The following CSMD1 variants were observed in gnomAD, a reference collection of about 807,000 sequenced individuals.
The protein encoded by CSMD1 is CUB and Sushi multiple domains 1, also known as CUB and sushi domain-containing protein 1.
In CSMD1, 213 loss-of-function variants were observed where a neutral mutation model predicts 417.5. That is an observed-to-expected ratio of 0.51 (90% confidence interval 0.46 to 0.57). CSMD1 has a LOEUF of 0.57. Among genes scored for constraint, CSMD1 ranks in the 20% least tolerant of loss-of-function variants. The pLI is 0.00. For synonymous variants in CSMD1, 2,862 were observed against 1,736.8 expected, an observed-to-expected ratio of 1.65 and a Z score of -16.11; for missense variants, 6,923 against 4,529.7, an observed-to-expected ratio of 1.53 and a Z score of -15.17.
chr8:3,437,934 T>A (rs904077695), intron 12 of CSMD1, among the ~76,000 whole-genome samples: 19 of 151,860 alleles, frequency 1.3e-4, no homozygotes, highest in African/African-American at 4.4e-4. Flanking sequence ...AGAGACAGGG[T>A]TTCATCATGT....
intron 3 of CSMD1, among the ~76,000 whole-genome samples, chr8:4,352,539 A>T (rs911385273): frequency 3.3e-5 from 5 of 152,260 alleles, no homozygotes; most frequent in African/African-American, 1.2e-4. Context: ...AAAAGAATGC[A>T]GACATCATCT....
At chr8:3,858,179 T>G (rs1054270925) in intron 5 of CSMD1, among the ~76,000 whole-genome samples, 1 of 152,210 alleles carries the variant, frequency 6.6e-6, no homozygotes, top group Non-Finnish European at 1.5e-5. Flanking sequence ...ATTAAGTAAT[T>G]TTTTGACTCT....
intron 10 of CSMD1, among the ~76,000 whole-genome samples, chr8:3,574,526 C>G (rs1427030023): frequency 6.6e-6 from 1 of 152,160 alleles, no homozygotes; most frequent in Non-Finnish European, 1.5e-5. Context: ...GCATTACAGG[C>G]TTGAGCGACT....
In CSMD1 at chr8:3,004,021, T is replaced by C. The variant is rs541479388; in HGVS notation, c.8030-3890A>G. On this transcript the variant is annotated intron_variant, in intron 52 of 69. Transcript: ENST00000635120. Reference sequence around the variant, plus strand: ...GCGTGACTCTGCCACTATTTGAAGATAGTTGCTACAACTCCACTGAGTATG... The same window carrying C: ...GCGTGACTCTGCCACTATTTGAAGACAGTTGCTACAACTCCACTGAGTATG... 6.6e-5 allele frequency among the ~76,000 whole-genome samples: 10 copies of C among 152,300 alleles called. No individual in the cohort carries two copies. The South Asian group carries it at 1.5e-3, about 22-fold the overall frequency.
intron 1 of CSMD1, among the ~76,000 whole-genome samples, chr8:4,659,799 C>A (rs1804474151): frequency 6.6e-6 from 1 of 152,012 alleles, no homozygotes; most frequent in Non-Finnish European, 1.5e-5. Flanking sequence ...AAGTAAATTT[C>A]ATTTTAATAA....
chr8:4,576,270 G>C lies in CSMD1; in HGVS notation c.302+61072C>G, dbSNP rs546823335. 1.5e-4 allele frequency among the ~76,000 whole-genome samples: 23 copies of C among 152,160 alleles called. 1 individual carries two copies. Among genetic ancestry groups the C allele is most frequent in the African/African-American group, 1.7e-4 (7 of 41,440 alleles). On this transcript the variant is annotated intron_variant, in intron 2 of 69. Transcript: ENST00000635120. The stretch of plus-strand genomic sequence containing the variant: ...TCTAGTTCCTCTACAAAAGCACAAG[G>C]CTTCCTCTTGCCACAGGGCATTGCC...
intron 5 of CSMD1, among the ~76,000 whole-genome samples, chr8:3,869,842 CA>C (rs1482671024): frequency 6.6e-6 from 1 of 151,874 alleles, no homozygotes; most frequent in Non-Finnish European, 1.5e-5. Flanking sequence ...AATCACATTC[CA>C]TGCTTTTATG....
intron 5 of CSMD1, among the ~76,000 whole-genome samples, chr8:3,791,304 G>A (rs944512700): frequency 5.9e-5 from 9 of 152,020 alleles, no homozygotes. Flanking sequence ...ATAAATTTAG[G>A]TATCTGAATT....
intron 20 of CSMD1, among the ~76,000 whole-genome samples, chr8:3,362,498 T>C (rs991742584): frequency 9.9e-5 from 15 of 152,220 alleles, no homozygotes; most frequent in Admixed American, 6.5e-5. Context: ...ACTCTCCTCC[T>C]AACTCACTGG....
In CSMD1 at chr8:3,663,750, C is replaced by T. The variant is rs76664342; in HGVS notation, c.1009+44664G>A. Among the ~76,000 whole-genome samples the T allele has an allele frequency of 8.0e-3, 1,223 of 152,202 alleles. 10 individuals are homozygous for T. The highest frequency in any genetic ancestry group is 0.028 in the African/African-American group (1,158 of 41,528). ...TTTGAGTTGTCCTGCCTTTCTGGAC[C>T]GAACCAACGTTCACCTCACATATGC... On this transcript the variant is annotated intron_variant, in intron 7 of 69. Coordinates refer to ENST00000635120, the MANE Select transcript of CSMD1 (RefSeq NM_033225.6).
At chr8:4,966,209 C>CAAAAAAAAAAAAAAAAAAAAAAAA (rs33941630) in intron 1 of CSMD1, among the ~76,000 whole-genome samples, 1 of 89,138 alleles carries the variant, frequency 1.1e-5, no homozygotes, top group African/African-American at 4.1e-5. Context: ...ACTAAATATA[C>CAAAAAAAAAAAAAAAAAAAAAAAA]AAAAAAAAAA....
chr8:4,183,918 C>T (rs1472691229), intron 3 of CSMD1, among the ~76,000 whole-genome samples: 2 of 152,072 alleles, frequency 1.3e-5, no homozygotes, highest in Admixed American at 6.6e-5. Context: ...GGGGCAGCTA[C>T]CACATGATAG....
At chr8:3,346,472 C>T (rs1382656093) in intron 22 of CSMD1, among the ~76,000 whole-genome samples, 1 of 152,294 alleles carries the variant, frequency 6.6e-6, no homozygotes, top group South Asian at 2.1e-4. Flanking sequence ...TAGTTTCCTG[C>T]CTAAAAACCA....
At chr8:3,333,897 C>G (rs1563282353) in intron 23 of CSMD1, among the ~76,000 whole-genome samples, 1 of 152,194 alleles carries the variant, frequency 6.6e-6, no homozygotes, top group Admixed American at 6.6e-5. Flanking sequence ...TCTGGGAAAT[C>G]TGTGAGTGTC....
chr8:3,521,159 A>G (rs1263623687), intron 10 of CSMD1, among the ~76,000 whole-genome samples: 4 of 152,140 alleles, frequency 2.6e-5, no homozygotes, highest in Admixed American at 6.5e-5. Flanking sequence ...AAATGAATGT[A>G]TTTATTAAAA....
intron 5 of CSMD1, among the ~76,000 whole-genome samples, chr8:3,796,603 A>C (rs1182325676): frequency 2.0e-5 from 3 of 147,558 alleles, no homozygotes; most frequent in Non-Finnish European, 4.5e-5. Context: ...ATATATCTAT[A>C]ATGTATAGAT....
At chr8:4,008,816 T>A (rs946413628) in intron 4 of CSMD1, among the ~76,000 whole-genome samples, 1 of 151,946 alleles carries the variant, frequency 6.6e-6, no homozygotes, top group African/African-American at 2.4e-5. Flanking sequence ...TTCAATGTGT[T>A]AGCCAGGATG....
chr8:4,563,446 C>A (rs1798442888), intron 2 of CSMD1, among the ~76,000 whole-genome samples: 1 of 151,972 alleles, frequency 6.6e-6, no homozygotes, highest in Non-Finnish European at 1.5e-5. Context: ...AAACAATGAT[C>A]ATCTCACATT....
intron 1 of CSMD1, among the ~76,000 whole-genome samples, chr8:4,712,875 A>G (rs1808399451): frequency 6.6e-6 from 1 of 152,238 alleles, no homozygotes; most frequent in Admixed American, 6.5e-5. Flanking sequence ...GTAGACATCC[A>G]TGCCGATGGA....
Sources: allele counts gnomAD v4.1 joint callset (sites outside exome capture counted in the v4.1 genomes callset), GRCh38; gene constraint gnomAD v4.1.1; transcripts MANE v1.5; gene names NCBI Gene and HGNC (gene_info 2026-07-23, HGNC 2026-07-21).